The following SLBP variants were observed in gnomAD, a reference collection of about 807,000 sequenced individuals.
SLBP encodes the protein histone RNA hairpin-binding protein.
SLBP carries 29 observed loss-of-function variants against 39.2 expected under a neutral mutation model. The observed-to-expected ratio is 0.74, with a 90% CI of 0.55 to 1.01. SLBP has a LOEUF of 1.01. SLBP is among the 50% of genes least tolerant of loss of function. SLBP has a pLI of 0.00. For synonymous variants in SLBP, 129 were observed against 118.7 expected (o/e 1.09, Z -0.57); for missense variants, 390 against 350.2 (o/e 1.11, Z -0.91).
intron 2 of SLBP, 88 bp downstream of exon 2, chr4:1,711,786 C>A: frequency 4.5e-6 from 3 of 671,264 alleles, no homozygotes; most frequent in Middle Eastern, 4.8e-4. Flanking sequence ...TGACCGATCC[C>A]GGCACCGCGA....
At chr4:1,711,823 C>A in intron 2 of SLBP, 51 bp downstream of exon 2, 1 of 997,118 alleles carries the variant, frequency 1.0e-6, no homozygotes, top group South Asian at 2.8e-5. Flanking sequence ...CTGGAGCCCG[C>A]GGCCTCGTCA....
rs186179943 is a variant in SLBP, at chr4:1,698,862, G to A, written c.479+702C>T. The stretch of plus-strand genomic sequence containing the variant: ...CTGGAGTGCAGTGGTGTGATTAATG[G>A]TTCACTGTAACGTTGAATTCCTGGG... On this transcript the variant is annotated intron_variant, in intron 5 of 7. Transcript: ENST00000489418. Among the ~76,000 whole-genome samples the A allele has an allele frequency of 1.2e-4, 18 of 152,050 alleles. No individual in the cohort carries two copies. In the East Asian group the frequency reaches 2.7e-3, roughly 23 times the overall value.
intron 5 of SLBP, among the ~76,000 whole-genome samples, chr4:1,696,780 C>T (rs763857140): frequency 2.6e-5 from 4 of 151,794 alleles, no homozygotes; most frequent in Admixed American, 6.6e-5. Flanking sequence ...TGCCTGTAAT[C>T]CTAGCTATTA....
In SLBP at chr4:1,703,549, C is replaced by T. The variant is rs1716408288; in HGVS notation, c.281+47G>A. On this transcript the variant is annotated intron_variant, in intron 3 of 7. Coordinates refer to ENST00000489418, the MANE Select transcript of SLBP (RefSeq NM_006527.4). ...GACAAATATCAAATTTAATGTGTTA[C>T]TGAAAACGCCACAGATTAACACTTC... 2.5e-6 allele frequency: 3 copies of T among 1,190,320 alleles called. No homozygotes were observed. The East Asian group carries it at 7.0e-5, about 28-fold the overall frequency. 73.7% of individuals were successfully genotyped at this position (1,190,320 alleles called of 1,614,324 possible).
intron 2 of SLBP, among the ~76,000 whole-genome samples, chr4:1,703,902 C>T (rs1192108693): frequency 6.6e-6 from 1 of 151,998 alleles, no homozygotes; most frequent in East Asian, 1.9e-4. Context: ...TCATCTCTGT[C>T]CCCCACCCAA....
intron 5 of SLBP, among the ~76,000 whole-genome samples, chr4:1,697,780 G>A (rs1197669598): frequency 2.0e-5 from 3 of 151,932 alleles, no homozygotes; most frequent in Non-Finnish European, 4.4e-5. Flanking sequence ...GGAGGCGGAG[G>A]TTGCGGTGAG....
chr4:1,709,813 G>GT (rs1577188787), intron 2 of SLBP, among the ~76,000 whole-genome samples: 1 of 152,242 alleles, frequency 6.6e-6, no homozygotes, highest in East Asian at 1.9e-4. Context: ...GGTTTTCACC[G>GT]TGTTAGCCAG....
At chr4:1,709,161 T>G (rs1413901094) in intron 2 of SLBP, among the ~76,000 whole-genome samples, 3 of 152,100 alleles carry the variant, frequency 2.0e-5, no homozygotes, top group African/African-American at 7.2e-5. Flanking sequence ...CCTCCTGGGT[T>G]CAAGGGATTC....
At position 1,712,251 on chromosome 4, in the gene SLBP, A is replaced by G; in HGVS notation, c.-63T>C. On this transcript the variant is annotated 5_prime_UTR_variant, in exon 1 of 8. Transcript: ENST00000489418. ...TGAGGCGGCGGCGGCGCGGGCAGAG[A>G]GCGCAGAGTAGAGCAGGGCAGGGCC... 2 of 1,047,172 alleles carry G rather than the reference A, an allele frequency of 1.9e-6. No homozygotes were observed. Among genetic ancestry groups the G allele is most frequent in the Non-Finnish European group, 1.2e-6 (1 of 800,800 alleles). The allele number at this position is 1,047,172 out of a possible 1,614,324, so 64.9% of individuals were successfully genotyped here. A position where few individuals can be genotyped will look rare whatever the true frequency, so the allele number is the denominator to read the frequency against.
intron 5 of SLBP, among the ~76,000 whole-genome samples, chr4:1,699,321 GAAATA>G (rs1560246583): frequency 6.6e-6 from 1 of 152,058 alleles, no homozygotes; most frequent in African/African-American, 2.4e-5. Flanking sequence ...TGACTCCTAA[GAAATA>G]AAATGTTATC....
At chr4:1,699,129 T>C (rs771790231) in intron 5 of SLBP, among the ~76,000 whole-genome samples, 6 of 152,176 alleles carry the variant, frequency 3.9e-5, no homozygotes, top group Non-Finnish European at 8.8e-5. Flanking sequence ...AGGAAAACAC[T>C]AAAGCTTTCT....
At chr4:1,705,467 A>G (rs751265236) in intron 2 of SLBP, among the ~76,000 whole-genome samples, 3 of 152,220 alleles carry the variant, frequency 2.0e-5, no homozygotes, top group Non-Finnish European at 2.9e-5. Context: ...GCACACACCA[A>G]AATCACTAAG....
At chr4:1,702,877 A>G (rs995463064) in intron 3 of SLBP, among the ~76,000 whole-genome samples, 8 of 152,094 alleles carry the variant, frequency 5.3e-5, no homozygotes, top group Non-Finnish European at 1.0e-4. Flanking sequence ...ATCTGGAGAG[A>G]GCACTCCATC....
intron 3 of SLBP, among the ~76,000 whole-genome samples, 188 bp downstream of exon 3, chr4:1,703,408 C>T (rs763815994): frequency 3.9e-5 from 6 of 151,982 alleles, no homozygotes; most frequent in Non-Finnish European, 8.8e-5. Context: ...GATGGCCAGG[C>T]CCCACCCCAT....
chr4:1,701,552 C>T (rs556042269), intron 3 of SLBP, among the ~76,000 whole-genome samples: 2 of 152,274 alleles, frequency 1.3e-5, no homozygotes, highest in South Asian at 2.1e-4. Flanking sequence ...GGAAGTAAGC[C>T]GGCCTGTCAG....
intron 2 of SLBP, among the ~76,000 whole-genome samples, chr4:1,704,497 T>A (rs909997273): frequency 1.3e-5 from 2 of 152,160 alleles, no homozygotes. Context: ...ATTGTGACAA[T>A]ATTGCCTTTC....
chr4:1,706,784 G>A (rs896410961), intron 2 of SLBP, among the ~76,000 whole-genome samples: 10 of 117,446 alleles, frequency 8.5e-5, no homozygotes, highest in Admixed American at 2.5e-4. Flanking sequence ...AGCCGAGATC[G>A]TGCACTGCAC....
intron 6 of SLBP, 113 bp from the exon 7 acceptor site, chr4:1,694,953 C>G (rs1716053477): frequency 7.9e-6 from 6 of 755,500 alleles, no homozygotes; most frequent in Non-Finnish European, 1.5e-5. Context: ...GACAGTGTGC[C>G]CGAGGCTCCC....
At chr4:1,705,621 T>A (rs923486633) in intron 2 of SLBP, among the ~76,000 whole-genome samples, 10 of 152,218 alleles carry the variant, frequency 6.6e-5, no homozygotes, top group African/African-American at 2.4e-4. Context: ...TTACTGAGAC[T>A]GGGTACAGTA....
Sources: allele counts gnomAD v4.1 joint callset (sites outside exome capture counted in the v4.1 genomes callset), GRCh38; gene constraint gnomAD v4.1.1; transcripts MANE v1.5; gene names NCBI Gene and HGNC (gene_info 2026-07-23, HGNC 2026-07-21).